GPHN: variants seen among roughly 807,000 people sequenced by gnomAD.
GPHN encodes the protein gephyrin.
GPHN carries 17 observed loss-of-function variants against 95.5 expected under a neutral mutation model. The ratio of observed to expected loss-of-function variants is 0.18; its 90% CI spans 0.12 to 0.27. GPHN has a LOEUF of 0.27. Ranked by LOEUF, GPHN falls within the 10% of genes least tolerant of loss-of-function variation. GPHN has a pLI of 1.00. For missense variants in GPHN, 660 were observed against 978.1 expected (o/e 0.67, Z 4.34); for synonymous variants, 320 against 322.5 (o/e 0.99, Z 0.08).
the GPHN span, among the ~76,000 whole-genome samples, chr14:67,372,204 G>GA: frequency 6.6e-6 from 1 of 152,126 alleles, no homozygotes; most frequent in African/African-American, 2.4e-5. Context: ...GCTGATCAAA[G>GA]AAAAAATTAT....
intron 8 of GPHN, among the ~76,000 whole-genome samples, chr14:66,947,940 A>C (rs896306009): frequency 2.6e-5 from 4 of 152,216 alleles, no homozygotes; most frequent in African/African-American, 9.6e-5. Context: ...TGGATGACAG[A>C]GCAAGGCCTA....
the GPHN span, chr14:67,727,022 G>A: frequency 8.1e-6 from 13 of 1,613,422 alleles, no homozygotes; most frequent in African/African-American, 1.7e-4. Flanking sequence ...GCGGCTAAAG[G>A]TGTCTGCCCC....
intron 11 of GPHN, among the ~76,000 whole-genome samples, chr14:67,070,426 G>A (rs1011777382): frequency 9.4e-5 from 14 of 149,226 alleles, no homozygotes; most frequent in South Asian, 4.2e-4. Flanking sequence ...GGCCGGGCGC[G>A]GTGGCTCACG....
intron 4 of GPHN, among the ~76,000 whole-genome samples, chr14:66,858,723 G>C (rs937976701): frequency 6.6e-6 from 1 of 151,922 alleles, no homozygotes; most frequent in African/African-American, 2.4e-5. Flanking sequence ...TTCAGGCCTT[G>C]GAGCTTGGAC....
At chr14:67,331,605 C>A in the GPHN span, among the ~76,000 whole-genome samples, 1 of 151,998 alleles carries the variant, frequency 6.6e-6, no homozygotes, top group Non-Finnish European at 1.5e-5. Flanking sequence ...TTTGTTTCAT[C>A]TTAGTCGTGG....
chr14:67,343,589 G>A, the GPHN span: 1 of 612,188 alleles, frequency 1.6e-6, no homozygotes, highest in Non-Finnish European at 2.9e-6. Context: ...TCTTAGGCTG[G>A]GCGCATGGCT....
In GPHN at chr14:67,075,826, G is replaced by A. The variant is rs2076473025; in HGVS notation, c.1145-13157G>A. Among the ~76,000 whole-genome samples, 2 of 152,282 alleles carry A rather than the reference G, an allele frequency of 1.3e-5. 1 individual carries two copies. The highest frequency in any genetic ancestry group is 1.3e-4 in the Admixed American group (2 of 15,302). ...TCATGATGAAACTTGAACAGATAAG[G>A]AGTTACTTCCTATGGATGAGTAAAG... On this transcript the variant is annotated intron_variant, in intron 11 of 22. Transcript: ENST00000478722.
At chr14:67,381,583 G>C in the GPHN span, 2 of 1,601,546 alleles carry the variant, frequency 1.2e-6, no homozygotes, top group Middle Eastern at 1.7e-4. Context: ...TTGAATTTTT[G>C]TAATTGTAGA....
intron 9 of GPHN, among the ~76,000 whole-genome samples, chr14:67,023,076 GATA>G (rs1277061383): frequency 2.0e-5 from 3 of 151,804 alleles, no homozygotes; most frequent in Non-Finnish European, 2.9e-5. Context: ...GATAAATTAT[GATA>G]ATCAGTAACA....
intron 17 of GPHN, among the ~76,000 whole-genome samples, chr14:67,130,937 G>T (rs984323424): frequency 6.6e-6 from 1 of 151,946 alleles, no homozygotes; most frequent in Non-Finnish European, 1.5e-5. Flanking sequence ...TGTCTGTTCA[G>T]GTTTTTTGCC....
chr14:66,660,632 G>C (rs1463344197), intron 1 of GPHN, among the ~76,000 whole-genome samples: 1 of 152,122 alleles, frequency 6.6e-6, no homozygotes, highest in East Asian at 1.9e-4. Flanking sequence ...AGTACTTCCA[G>C]TGGGGCGCCA....
the GPHN span, among the ~76,000 whole-genome samples, chr14:67,362,440 T>C: frequency 6.6e-6 from 1 of 152,224 alleles, no homozygotes; most frequent in African/African-American, 2.4e-5. Flanking sequence ...ATATTTTATG[T>C]TTGACTAGCA....
the GPHN span, among the ~76,000 whole-genome samples, chr14:67,438,276 G>C: frequency 1.3e-5 from 2 of 152,326 alleles, no homozygotes; most frequent in African/African-American, 4.8e-5. Context: ...TCAGGGGCTG[G>C]ACCAGGAACC....
At chr14:66,685,321 G>C (rs558227688) in intron 2 of GPHN, among the ~76,000 whole-genome samples, 1 of 152,144 alleles carries the variant, frequency 6.6e-6, no homozygotes, top group Non-Finnish European at 1.5e-5. Context: ...CTGAGGAATC[G>C]CCACACTGTC....
At chr14:67,479,183 G>C in the GPHN span, among the ~76,000 whole-genome samples, 1 of 151,978 alleles carries the variant, frequency 6.6e-6, no homozygotes, top group African/African-American at 2.4e-5. Flanking sequence ...TGAGGTGGGT[G>C]GATCATGAGG....
chr14:67,589,387 C>T, the GPHN span: 2 of 985,076 alleles, frequency 2.0e-6, no homozygotes, highest in Non-Finnish European at 2.4e-6. Context: ...TCTGTCTGGC[C>T]TTTTGTCTCA....
In GPHN at chr14:67,096,546, C is replaced by T. The variant is rs143656004; in HGVS notation, c.1238-4310C>T. Among the ~76,000 whole-genome samples, 1,141 of 151,842 alleles carry T rather than the reference C, an allele frequency of 7.5e-3. 8 individuals are homozygous for T. Among genetic ancestry groups the T allele is most frequent in the Non-Finnish European group, 0.01 (713 of 67,976 alleles). ...TCTTTTAACAAATATTTATTATCAG[C>T]GATGACTTAGGCACTATGCTAGACA... On this transcript the variant is annotated intron_variant, in intron 12 of 22. Coordinates refer to ENST00000478722, the MANE Select transcript of GPHN (RefSeq NM_020806.5).
intron 1 of GPHN, among the ~76,000 whole-genome samples, chr14:66,548,731 T>G (rs1346432193): frequency 6.6e-6 from 1 of 152,168 alleles, no homozygotes; most frequent in Non-Finnish European, 1.5e-5. Context: ...TCCCTCAGAT[T>G]AAATCAAAAG....
intron 1 of GPHN, among the ~76,000 whole-genome samples, chr14:66,519,848 G>A (rs926139976): frequency 6.6e-6 from 1 of 152,080 alleles, no homozygotes; most frequent in Non-Finnish European, 1.5e-5. Flanking sequence ...TTTAATCCTC[G>A]TAATAATATG....
Sources: allele counts gnomAD v4.1 joint callset (sites outside exome capture counted in the v4.1 genomes callset), GRCh38; gene constraint gnomAD v4.1.1; transcripts MANE v1.5; gene names NCBI Gene and HGNC (gene_info 2026-07-23, HGNC 2026-07-21).